The following PTPRB variants were observed in gnomAD, a reference collection of about 807,000 sequenced individuals.
PTPRB encodes the protein protein tyrosine phosphatase receptor type B, also known as receptor-type tyrosine-protein phosphatase beta.
A neutral mutation model predicts 238.1 loss-of-function variants in PTPRB; 97 were observed. The ratio of observed to expected loss-of-function variants is 0.41; its 90% CI spans 0.35 to 0.48. The LOEUF (loss-of-function observed/expected upper bound fraction) is 0.48, where lower values mean the gene tolerates loss of function less well. Among genes scored for constraint, PTPRB ranks in the 20% least tolerant of loss-of-function variants. PTPRB has a pLI of 0.30. For synonymous variants in PTPRB, 970 were observed against 995.4 expected, an observed-to-expected ratio of 0.97 and a Z score of 0.48; for missense variants, 2,292 against 2,681.9, an observed-to-expected ratio of 0.85 and a Z score of 3.21.
rs1280956446 is a variant in PTPRB at position 70,576,571 on chromosome 12, C to G, written c.2653G>C (p.Ala885Pro). ...NDYLSVSWLL[A>P]PGDVDNYEVT... ...TCATAGTTATCCACATCTCCGGGCG[C>G]CAGCAGCCAGGAAACGCTGAGGTAG... The change falls in exon 11 of 34, where the codon GCG (alanine) becomes CCG (proline). Residue 885 changes from alanine to proline, a missense_variant. Around this residue, in one of 4 missense-constraint regions of PTPRB, gnomAD observed 1,205 missense variants for 1,287.8 expected, o/e 0.94. Coordinates refer to ENST00000334414, the MANE Select transcript of PTPRB (RefSeq NM_001109754.4). 1.3e-6 allele frequency: 2 copies of G among 1,550,568 alleles called. No homozygotes were observed. Among genetic ancestry groups the G allele is most frequent in the Non-Finnish European group, 1.7e-6 (2 of 1,147,306 alleles).
At chr12:70,551,006 C>T (rs1012067221) in intron 21 of PTPRB, among the ~76,000 whole-genome samples, 1 of 152,148 alleles carries the variant, frequency 6.6e-6, no homozygotes, top group African/African-American at 2.4e-5. Context: ...AGCAATTCTC[C>T]TGCCTCAGCT....
Position 70,630,377 on chromosome 12 carries a change from G to A in PTPRB, c.451+5294C>T, listed in dbSNP as rs145300511. Among the ~76,000 whole-genome samples the A allele has an allele frequency of 5.5e-4, 83 of 152,174 alleles. 1 individual carries two copies. Among genetic ancestry groups the A allele is most frequent in the African/African-American group, 2.0e-3 (81 of 41,516 alleles). ...TTGACAAAATCCAACAGCCCTTCACGCTAAAAACTCTCAATAAACTAGGTA... is the reference window on the plus strand; with the variant it reads ...TTGACAAAATCCAACAGCCCTTCACACTAAAAACTCTCAATAAACTAGGTA... On this transcript the variant is annotated intron_variant, in intron 2 of 33. Coordinates refer to ENST00000334414, the MANE Select transcript of PTPRB (RefSeq NM_001109754.4).
intron 21 of PTPRB, among the ~76,000 whole-genome samples, chr12:70,551,462 G>A (rs1809428268): frequency 6.6e-6 from 1 of 152,144 alleles, no homozygotes; most frequent in African/African-American, 2.4e-5. Context: ...AAAAACATCT[G>A]TCTGACTTTT....
chr12:70,533,036 G>A (rs1873534262), intron 31 of PTPRB, among the ~76,000 whole-genome samples: 2 of 152,136 alleles, frequency 1.3e-5, no homozygotes, highest in African/African-American at 4.8e-5. Flanking sequence ...TAAAACATGT[G>A]TTGCAAAGAA....
At position 70,596,263 on chromosome 12, in the gene PTPRB, A is replaced by G; in HGVS notation, c.1044T>C (p.Val348=). The change falls in exon 5 of 34, where the codon GTT becomes GTC. Residue 348 remains valine, a synonymous_variant. Transcript: ENST00000334414. The stretch of plus-strand genomic sequence containing the variant: ...CTTTTCCGGAAGAAGGAGTCCACCA[A>G]ACATGCAAGCTGGTTGAAGTCGTCT... ...KEKTTSTSLH[V]WWTPSSGKVT... 6.2e-7 allele frequency: 1 copy of G among 1,613,198 alleles called. No individual in the cohort carries two copies. Among genetic ancestry groups the G allele is most frequent in the Non-Finnish European group, 8.5e-7 (1 of 1,179,664 alleles).
intron 11 of PTPRB, among the ~76,000 whole-genome samples, chr12:70,574,543 T>A (rs1880474166): frequency 6.6e-6 from 1 of 152,214 alleles, no homozygotes; most frequent in South Asian, 2.1e-4. Flanking sequence ...TGGCTGAATA[T>A]CACGTTAAGT....
rs200227553 is a variant in PTPRB, at chr12:70,601,790, CTTTTTT to C, written c.980-5469_980-5464del. On this transcript the variant is annotated intron_variant, in intron 4 of 33. Coordinates refer to ENST00000334414, the MANE Select transcript of PTPRB (RefSeq NM_001109754.4). ...GAGGTAATTTCTTTTTTTCTTTTTT[CTTTTTT>C]TTTTTTTTTTTTTGAGATGGAGTCT... 5.6e-3 allele frequency among the ~76,000 whole-genome samples: 710 copies of C among 127,542 alleles called. 7 individuals carry two copies. The highest frequency in any genetic ancestry group is 0.019 in the African/African-American group (639 of 34,536). The allele number at this position is 127,542 out of a possible 152,430, so 83.7% of individuals were successfully genotyped here.
At chr12:70,556,250 G>C in intron 18 of PTPRB, 102 bp from the exon 19 acceptor site, 1 of 1,060,154 alleles carries the variant, frequency 9.4e-7, no homozygotes, top group Non-Finnish European at 1.3e-6. Context: ...GTATAGGAGG[G>C]ACAGACAGGC....
At chr12:70,551,011 T>G (rs1876797674) in intron 21 of PTPRB, among the ~76,000 whole-genome samples, 1 of 152,178 alleles carries the variant, frequency 6.6e-6, no homozygotes, top group Non-Finnish European at 1.5e-5. Flanking sequence ...TTCTCCTGCC[T>G]CAGCTTCCCA....
chr12:70,548,334 TCTCTCTCTCTCTCACACACACA>T (rs1221514393), intron 21 of PTPRB, among the ~76,000 whole-genome samples: 1 of 32,414 alleles, frequency 3.1e-5, no homozygotes, highest in East Asian at 1.3e-3. Context: ...TCTCTCTCTC[TCTCTCTCTCTCTCACACACACA>T]CACACACACA....
intron 4 of PTPRB, chr12:70,608,798 C>A (rs1170741527): frequency 9.5e-6 from 4 of 422,268 alleles, no homozygotes; most frequent in Admixed American, 8.0e-5. Flanking sequence ...CCACCGCAGC[C>A]CAAAGTTTCT....
In PTPRB at chr12:70,571,211, C is replaced by T. The variant is rs758684496; in HGVS notation, c.3185G>A (p.Gly1062Glu). 6.2e-7 allele frequency: 1 copy of T among 1,613,784 alleles called. No individual in the cohort carries two copies. The change falls in exon 13 of 34, where the codon GGG becomes GAG. Residue 1062 changes from glycine (G) to glutamate (E), a missense_variant. Gly to Glu is a moderately conservative substitution (Grantham distance 98). Coordinates refer to ENST00000334414, the MANE Select transcript of PTPRB (RefSeq NM_001109754.4). ...CTGGATCTCATATTGGTCGACATCC[C>T]CATTAGCTCCTGACCAAGTCACATG... The part of the protein sequence containing the change: ...DLHVTWSGAN[G>E]DVDQYEIQLL...
intron 8 of PTPRB, among the ~76,000 whole-genome samples, chr12:70,588,893 C>T (rs952493428): frequency 1.3e-5 from 2 of 152,136 alleles, no homozygotes; most frequent in Non-Finnish European, 2.9e-5. Context: ...GTGGGGGTTG[C>T]AGCGAGCCGA....
chr12:70,609,790 C>A (rs776072178), intron 3 of PTPRB: 1 of 1,587,992 alleles, frequency 6.3e-7, no homozygotes, highest in Non-Finnish European at 8.6e-7. Context: ...ATCCACAAGG[C>A]CAACCCGGCT....
In PTPRB at chr12:70,536,089, T is replaced by G. The variant is rs781597034; in HGVS notation, c.6017A>C (p.Lys2006Thr). ...PLPGTKDDFW[K>T]MVWEQNVHNI... ...GTGAACGTTTTGTTCCCACACCATT[T>G]TCCAGAAGTCATCCTTGGTGCCAGG... The change falls in exon 29 of 34, where the codon AAA (lysine) becomes ACA (threonine). Residue 2006 changes from lysine (K) to threonine (T), a missense_variant. Lys to Thr is a moderately conservative substitution (Grantham distance 78). Around this residue, in one of 4 missense-constraint regions of PTPRB, gnomAD observed 397 missense variants for 502.0 expected, o/e 0.79. Coordinates refer to ENST00000334414, the MANE Select transcript of PTPRB (RefSeq NM_001109754.4). The G allele has an allele frequency of 6.2e-7, 1 of 1,613,916 alleles. No individual in the cohort carries two copies. Among genetic ancestry groups the G allele is most frequent in the East Asian group, 2.2e-5 (1 of 44,886 alleles).
chr12:70,555,904 C>T lies in PTPRB; in HGVS notation c.4959G>A (p.Glu1653=), dbSNP rs761329230. The change falls in exon 19 of 34, where the codon GAG becomes GAA. Residue 1653 remains glutamate (E), a synonymous_variant. Transcript: ENST00000334414. ...TTGTGATAGTGCTGTCTTCAACCAC[C>T]TCGCTGGTCATGCCGGCCGACTGCA... ...IKVQSAGMTS[E]VVEDSTITMI... The T allele has an allele frequency of 3.1e-6, 5 of 1,613,348 alleles. No homozygotes were observed. In the East Asian group the frequency reaches 1.1e-4, roughly 36 times the overall value.
intron 3 of PTPRB, among the ~76,000 whole-genome samples, chr12:70,612,352 G>GA (rs1884494122): frequency 6.6e-6 from 1 of 152,156 alleles, no homozygotes; most frequent in Admixed American, 6.5e-5. Flanking sequence ...GGAAGTATAG[G>GA]ACTGAAAAAA....
chr12:70,623,695 G>T (rs1885049230), intron 2 of PTPRB, among the ~76,000 whole-genome samples: 1 of 152,110 alleles, frequency 6.6e-6, no homozygotes, highest in Admixed American at 6.6e-5. Flanking sequence ...AGAGTTTCTG[G>T]CTAAAAGACT....
rs1884224204 is a variant in PTPRB at position 70,609,229 on chromosome 12, G to A, written c.819C>T (p.Ser273=). The part of the protein sequence containing the change: ...WRILGSPCNF[S]LIYSSDTLGA... ...CCAGGGTGTCACTGCTATAGATGAGGCTAAAGTTACAGGGTGAGCCCAAAA... is the reference window on the plus strand; with the variant it reads ...CCAGGGTGTCACTGCTATAGATGAGACTAAAGTTACAGGGTGAGCCCAAAA... Residue 273 remains serine, a synonymous_variant, in exon 4 of 34, where the codon AGC becomes AGT. Transcript: ENST00000334414. The A allele has an allele frequency of 6.2e-7, 1 of 1,613,942 alleles. No individual in the cohort carries two copies. The highest frequency in any genetic ancestry group is 8.5e-7 in the Non-Finnish European group (1 of 1,179,906).
Sources: allele counts gnomAD v4.1 joint callset (sites outside exome capture counted in the v4.1 genomes callset), GRCh38; gene constraint gnomAD v4.1.1; regional missense constraint gnomAD v4.1.1; transcripts MANE v1.5; gene names NCBI Gene and HGNC (gene_info 2026-07-23, HGNC 2026-07-21).